LOXL2: variants seen among roughly 807,000 people sequenced by gnomAD.
LOXL2 encodes lysyl oxidase like 2, also known as lysyl oxidase homolog 2.
LOXL2 carries 70 observed loss-of-function variants against 93.0 expected under a neutral mutation model. The ratio of observed to expected loss-of-function variants is 0.75; its 90% CI spans 0.62 to 0.92. The LOEUF (loss-of-function observed/expected upper bound fraction) is 0.92. Ranked by LOEUF, LOXL2 falls within the 40% of genes least tolerant of loss-of-function variation. The pLI is 0.00. For synonymous variants in LOXL2, 438 were observed against 413.2 expected (o/e 1.06, Z -0.73); for missense variants, 973 against 1,054.9 (o/e 0.92, Z 1.08).
intron 1 of LOXL2, among the ~76,000 whole-genome samples, chr8:23,383,673 T>TG (rs1804713305): frequency 9.3e-6 from 1 of 107,376 alleles, no homozygotes; most frequent in Non-Finnish European, 1.9e-5. Context: ...TTTTTTTTTT[T>TG]TTTTTGAGAC....
intron 3 of LOXL2, among the ~76,000 whole-genome samples, chr8:23,342,870 T>C (rs2117183622): frequency 6.6e-6 from 1 of 152,194 alleles, no homozygotes; most frequent in African/African-American, 2.4e-5. Context: ...CCTGTTTCAG[T>C]CTCCCAAGTA....
At chr8:23,399,195 C>T (rs1408457251) in intron 1 of LOXL2, among the ~76,000 whole-genome samples, 5 of 152,150 alleles carry the variant, frequency 3.3e-5, no homozygotes, top group Non-Finnish European at 7.4e-5. Context: ...CATGGACCAC[C>T]CAGGGTGTGA....
intron 8 of LOXL2, among the ~76,000 whole-genome samples, chr8:23,318,567 G>A (rs1803443414): frequency 6.6e-6 from 1 of 152,086 alleles, no homozygotes; most frequent in Admixed American, 6.5e-5. Context: ...GAAGGGATGG[G>A]GCTTGTAATC....
chr8:23,394,163 T>A (rs931161964), intron 1 of LOXL2, among the ~76,000 whole-genome samples: 1 of 151,780 alleles, frequency 6.6e-6, no homozygotes, highest in Non-Finnish European at 1.5e-5. Context: ...GAGGCCGAGG[T>A]GGGCGGATCA....
rs1273075450 is a variant in LOXL2 at position 23,360,150 on chromosome 8, C to T, written c.471G>A (p.Val157=). 6.2e-7 allele frequency: 1 copy of T among 1,613,934 alleles called. No homozygotes were observed. Among genetic ancestry groups the T allele is most frequent in the East Asian group, 2.2e-5 (1 of 44,882 alleles). ...ACCCAGGAATCCTTTTGTCGCTGCA[C>T]ACCACACCGACATCCTCCGTGTGCT... ...DCKHTEDVGV[V]CSDKRIPGFK... The change falls in exon 3 of 14, where the codon GTG becomes GTA. Residue 157 remains valine, a synonymous_variant. Coordinates refer to ENST00000389131, the MANE Select transcript of LOXL2 (RefSeq NM_002318.3).
chr8:23,309,042 T>C (rs1415690064), intron 10 of LOXL2, among the ~76,000 whole-genome samples: 6 of 150,972 alleles, frequency 4.0e-5, no homozygotes, highest in African/African-American at 1.5e-4. Context: ...TGGAGTGTGG[T>C]GGCGTGATCT....
intron 3 of LOXL2, among the ~76,000 whole-genome samples, chr8:23,346,159 A>AAT (rs1563197452): frequency 1.1e-3 from 98 of 92,704 alleles, no homozygotes; most frequent in African/African-American, 3.5e-3. Context: ...AATAAAATAA[A>AAT]AAATAAAATA....
intron 3 of LOXL2, among the ~76,000 whole-genome samples, chr8:23,354,950 T>TATATATATATATA (rs1491334754): frequency 4.0e-3 from 71 of 17,850 alleles, no homozygotes; most frequent in East Asian, 8.0e-3. Context: ...TATATATATA[T>TATATATATATATA]TTTTTTTTTT....
intron 10 of LOXL2, among the ~76,000 whole-genome samples, chr8:23,308,030 T>C (rs75457557): frequency 0.048 from 7,162 of 147,762 alleles, 238 homozygotes; most frequent in Middle Eastern, 0.1. Flanking sequence ...AGCATGTAGT[T>C]TGGAGTCAGA....
chr8:23,346,122 T>TAA (rs1426002570), intron 3 of LOXL2, among the ~76,000 whole-genome samples: 79 of 45,756 alleles, frequency 1.7e-3, no homozygotes, highest in East Asian at 0.015. Flanking sequence ...AAAATTAAAA[T>TAA]AAAATAAAAT....
Position 23,319,780 on chromosome 8 carries a change from G to A in LOXL2, c.1470+105C>T, listed in dbSNP as rs533569296. The stretch of plus-strand genomic sequence containing the variant: ...GGTCCAGGGCAACTTGCTCTGTCCT[G>A]CCTGCACGGCTAGGGAGGGTACGTG... On this transcript the variant is annotated intron_variant, in intron 8 of 13. Coordinates refer to ENST00000389131, the MANE Select transcript of LOXL2 (RefSeq NM_002318.3). The A allele has an allele frequency of 5.4e-5, 70 of 1,290,296 alleles. 1 individual carries two copies. In the Middle Eastern group the frequency reaches 1.3e-3, roughly 24 times the overall value. 79.9% of individuals were successfully genotyped at this position (1,290,296 alleles called of 1,614,324 possible). A position where few individuals can be genotyped will look rare whatever the true frequency, so the allele number is the denominator to read the frequency against.
At chr8:23,394,550 T>C (rs1012595327) in intron 1 of LOXL2, among the ~76,000 whole-genome samples, 4 of 152,058 alleles carry the variant, frequency 2.6e-5, no homozygotes, top group African/African-American at 9.7e-5. Context: ...TACCATGAGA[T>C]ACCACTTCAT....
At chr8:23,349,212 A>T (rs971237866) in intron 3 of LOXL2, among the ~76,000 whole-genome samples, 1 of 152,158 alleles carries the variant, frequency 6.6e-6, no homozygotes, top group Non-Finnish European at 1.5e-5. Flanking sequence ...TAATGTCGTC[A>T]TCTCACCTAG....
At chr8:23,349,338 T>C (rs548042071) in intron 3 of LOXL2, among the ~76,000 whole-genome samples, 109 of 152,316 alleles carry the variant, frequency 7.2e-4, no homozygotes, top group African/African-American at 2.3e-3. Context: ...GTTAGGCCCA[T>C]ACCCTGCCAT....
At chr8:23,307,038 A>G (rs1391693097) in intron 10 of LOXL2, among the ~76,000 whole-genome samples, 1 of 152,268 alleles carries the variant, frequency 6.6e-6, no homozygotes, top group Non-Finnish European at 1.5e-5. Flanking sequence ...GGTAGCGTCA[A>G]TTAAACTGGA....
chr8:23,356,290 A>G (rs2117200577), intron 3 of LOXL2, among the ~76,000 whole-genome samples: 1 of 152,286 alleles, frequency 6.6e-6, no homozygotes, highest in Non-Finnish European at 1.5e-5. Context: ...ACTTCACCCA[A>G]CTGCACGTCC....
At chr8:23,302,839 C>T (rs1803162917) in intron 11 of LOXL2, among the ~76,000 whole-genome samples, 1 of 151,814 alleles carries the variant, frequency 6.6e-6, no homozygotes, top group African/African-American at 2.4e-5. Context: ...GAGTGCCACA[C>T]CTGCCGGGAC....
chr8:23,386,388 C>G (rs1478860179), intron 1 of LOXL2, among the ~76,000 whole-genome samples: 1 of 152,066 alleles, frequency 6.6e-6, no homozygotes, highest in Admixed American at 6.6e-5. Flanking sequence ...GCAAGACTCC[C>G]TCTCCAAAAA....
At chr8:23,383,878 T>C (rs914874239) in intron 1 of LOXL2, among the ~76,000 whole-genome samples, 1 of 152,010 alleles carries the variant, frequency 6.6e-6, no homozygotes, top group Non-Finnish European at 1.5e-5. Context: ...GCCAGGATGG[T>C]CTCGATCTGC....
Sources: gnomAD v4.1 joint callset for allele counts (sites outside exome capture counted in the v4.1 genomes callset) on GRCh38, gnomAD v4.1.1 for gene constraint, MANE v1.5 for transcripts, NCBI Gene and HGNC (gene_info 2026-07-23, HGNC 2026-07-21) for gene names.